RANBP2: variants seen among roughly 807,000 people sequenced by gnomAD.
RANBP2 encodes RAN binding protein 2.
A neutral mutation model predicts 303.6 loss-of-function variants in RANBP2; 57 were observed. The observed-to-expected ratio is 0.19, with a 90% confidence interval of 0.15 to 0.23. The LOEUF (loss-of-function observed/expected upper bound fraction) is 0.23, where lower values mean the gene tolerates loss of function less well. RANBP2 is among the 10% of genes least tolerant of loss of function. The pLI, the probability that RANBP2 is intolerant of heterozygous loss-of-function variation, is 1.00. For synonymous variants in RANBP2, 1,167 were observed against 1,301.5 expected, an observed-to-expected ratio of 0.90 and a Z score of 2.23; for missense variants, 3,138 against 3,780.8, an observed-to-expected ratio of 0.83 and a Z score of 4.46.
chr2:108,756,066 A>C, intron 17 of RANBP2, among the ~76,000 whole-genome samples: 1 of 152,132 alleles, frequency 6.6e-6, no homozygotes, highest in South Asian at 2.1e-4. Context: ...CTCTCTCTTC[A>C]TCTTCCACAA....
chr2:109,268,781 T>C, the RANBP2 span, among the ~76,000 whole-genome samples: 22 of 152,146 alleles, frequency 1.4e-4, no homozygotes, highest in Non-Finnish European at 1.6e-4. Context: ...TGTCGCCTAC[T>C]ATAGGCTAAT....
chr2:109,289,500 TG>T, the RANBP2 span, among the ~76,000 whole-genome samples: 1 of 152,164 alleles, frequency 6.6e-6, no homozygotes, highest in Non-Finnish European at 1.5e-5. Context: ...TACGCACTCT[TG>T]GTCAGACATT....
the RANBP2 span, among the ~76,000 whole-genome samples, chr2:109,474,074 T>C: frequency 2.0e-5 from 3 of 152,224 alleles, no homozygotes; most frequent in South Asian, 6.2e-4. Context: ...TGGGGGTTCG[T>C]GGCTTCCATT....
the RANBP2 span, among the ~76,000 whole-genome samples, chr2:108,920,121 G>A: frequency 6.6e-6 from 1 of 152,380 alleles, no homozygotes; most frequent in Admixed American, 6.5e-5. Flanking sequence ...CCGCCAGTCA[G>A]TGAGGGAAGT....
chr2:109,269,327 C>T, the RANBP2 span, among the ~76,000 whole-genome samples: 1 of 152,222 alleles, frequency 6.6e-6, no homozygotes, highest in Non-Finnish European at 1.5e-5. Context: ...GAAAACCTTG[C>T]CTTCCCCCCG....
the RANBP2 span, among the ~76,000 whole-genome samples, chr2:109,185,916 C>G: frequency 2.8e-4 from 43 of 152,256 alleles, no homozygotes; most frequent in Admixed American, 2.8e-3. Context: ...TCCCCCAGCT[C>G]CTGGGACGGC....
chr2:109,232,063 T>G, the RANBP2 span, among the ~76,000 whole-genome samples: 1 of 152,256 alleles, frequency 6.6e-6, no homozygotes, highest in African/African-American at 2.4e-5. Context: ...TGTTTTCACT[T>G]TGGGGCTATT....
At chr2:108,939,403 T>C in the RANBP2 span, among the ~76,000 whole-genome samples, 4 of 152,200 alleles carry the variant, frequency 2.6e-5, no homozygotes, top group East Asian at 5.8e-4. Context: ...GCAAGGCTGG[T>C]CTTGAACTCC....
chr2:109,719,702 GC>G, the RANBP2 span, among the ~76,000 whole-genome samples: 1 of 152,168 alleles, frequency 6.6e-6, no homozygotes, highest in South Asian at 2.1e-4. Context: ...ACCACGCCTG[GC>G]CCATGAATTA....
the RANBP2 span, among the ~76,000 whole-genome samples, chr2:109,455,501 A>T: frequency 2.0e-5 from 3 of 149,424 alleles, no homozygotes; most frequent in African/African-American, 7.4e-5. Context: ...CCCATTAAAT[A>T]TATGTATATC....
At chr2:108,854,954 C>T in the RANBP2 span, among the ~76,000 whole-genome samples, 2 of 152,024 alleles carry the variant, frequency 1.3e-5, no homozygotes, top group Non-Finnish European at 2.9e-5. Context: ...AATGGAAAAC[C>T]ATATTTCATA....
At chr2:109,634,377 A>G in the RANBP2 span, among the ~76,000 whole-genome samples, 3 of 152,114 alleles carry the variant, frequency 2.0e-5, no homozygotes, top group Non-Finnish European at 4.4e-5. Context: ...GAAAAAGATT[A>G]TCTCCAAAAA....
At chr2:109,524,469 A>AAAAAAAAAAAAAAAC in the RANBP2 span, among the ~76,000 whole-genome samples, 21 of 80,876 alleles carry the variant, frequency 2.6e-4, no homozygotes, top group African/African-American at 8.9e-4. Context: ...AAAAAAAACA[A>AAAAAAAAAAAAAAAC]AACAACACTG....
At chr2:108,893,757 T>C in the RANBP2 span, among the ~76,000 whole-genome samples, 8 of 152,272 alleles carry the variant, frequency 5.3e-5, no homozygotes, top group African/African-American at 1.9e-4. Context: ...TGCAAGGACC[T>C]CTGCCCAGCA....
At chr2:109,691,354 A>T in the RANBP2 span, among the ~76,000 whole-genome samples, 1 of 152,172 alleles carries the variant, frequency 6.6e-6, no homozygotes, top group Non-Finnish European at 1.5e-5. Context: ...ACCCAGAGCC[A>T]CAGGTCGGTG....
chr2:108,741,431 C>T (rs1182187932), intron 7 of RANBP2, among the ~76,000 whole-genome samples: 1 of 148,220 alleles, frequency 6.7e-6, no homozygotes, highest in Non-Finnish European at 1.5e-5. Context: ...CTCTTGACCT[C>T]GTGATCTGCC....
the RANBP2 span, among the ~76,000 whole-genome samples, chr2:109,464,239 A>C: frequency 4.0e-5 from 6 of 151,896 alleles, no homozygotes; most frequent in Admixed American, 6.6e-5. Flanking sequence ...AAATCTACAG[A>C]GTCTACACAC....
At chr2:108,878,050 T>C in the RANBP2 span, among the ~76,000 whole-genome samples, 2 of 152,238 alleles carry the variant, frequency 1.3e-5, no homozygotes, top group African/African-American at 4.8e-5. Context: ...TGAGAAATTA[T>C]ACCACTTACG....
the RANBP2 span, among the ~76,000 whole-genome samples, chr2:109,369,803 C>T: frequency 2.0e-5 from 3 of 152,190 alleles, no homozygotes; most frequent in South Asian, 4.1e-4. Context: ...CCTCCGCTCC[C>T]GGTGAAGCAG....
Sources: allele counts gnomAD v4.1 joint callset (sites outside exome capture counted in the v4.1 genomes callset), GRCh38; gene constraint gnomAD v4.1.1; transcripts MANE v1.5; gene names NCBI Gene and HGNC (gene_info 2026-07-23, HGNC 2026-07-21).